Variants in FHIT observed in about 807,000 individuals in gnomAD.
FHIT encodes the protein fragile histidine triad diadenosine triphosphatase.
A neutral mutation model predicts 17.9 loss-of-function variants in FHIT; 19 were observed. That is an observed-to-expected ratio of 1.06 (90% CI 0.74 to 1.56). The LOEUF is 1.56. FHIT is among the 40% of genes most tolerant of loss of function. The pLI, the probability that FHIT is intolerant of heterozygous loss-of-function variation, is 0.00. For synonymous variants in FHIT, 81 were observed against 69.7 expected (o/e 1.16, Z -0.81); for missense variants, 248 against 189.2 (o/e 1.31, Z -1.82).
chr3:60,163,715 G>C (rs1251430906), intron 5 of FHIT, among the ~76,000 whole-genome samples: 1 of 152,080 alleles, frequency 6.6e-6, no homozygotes, highest in Admixed American at 6.5e-5. Context: ...TTTGTTGTGG[G>C]GTCTGCACCG....
chr3:60,293,961 G>A (rs1362287318), intron 5 of FHIT, among the ~76,000 whole-genome samples: 2 of 152,074 alleles, frequency 1.3e-5, no homozygotes, highest in Non-Finnish European at 1.5e-5. Context: ...TCACTAGGAG[G>A]TAAACCTACT....
chr3:60,019,781 G>A (rs749753971), intron 5 of FHIT, among the ~76,000 whole-genome samples: 1 of 152,156 alleles, frequency 6.6e-6, no homozygotes, highest in African/African-American at 2.4e-5. Context: ...AATAGGGAGA[G>A]AAAGGTTACT....
intron 5 of FHIT, among the ~76,000 whole-genome samples, chr3:60,447,794 G>A (rs542189108): frequency 1.3e-5 from 2 of 152,232 alleles, no homozygotes; most frequent in African/African-American, 4.8e-5. Flanking sequence ...AGATTTAAAT[G>A]GGGACACTAT....
chr3:60,305,074 CTTTG>C (rs774197267), intron 5 of FHIT, among the ~76,000 whole-genome samples: 16 of 152,076 alleles, frequency 1.1e-4, no homozygotes, highest in Non-Finnish European at 2.1e-4. Context: ...AAGCCATTCA[CTTTG>C]TTTGGATTGG....
At position 60,066,630 on chromosome 3, in the gene FHIT, A is replaced by ATTTTTTTTTTTTTTTTTTTTTTTTTTTT. The variant is rs71089574; in HGVS notation, c.104-52506_104-52479dup. Among the ~76,000 whole-genome samples the ATTTTTTTTTTTTTTTTTTTTTTTTTTTT allele has an allele frequency of 5.8e-5, 3 of 51,374 alleles. 1 individual carries two copies. Among genetic ancestry groups the ATTTTTTTTTTTTTTTTTTTTTTTTTTTT allele is most frequent in the Non-Finnish European group, 1.1e-4 (3 of 27,690 alleles). The allele number at this position is 51,374 out of a possible 152,430, so 33.7% of individuals were successfully genotyped here. A position where few individuals can be genotyped will look rare whatever the true frequency, so the allele number is the denominator to read the frequency against. ...ATAGGTTGATTTTAATCCCTGACAAATTTTTTTTTTTTTTTTTTTTTTTTT... is the reference window on the plus strand; with the variant it reads ...ATAGGTTGATTTTAATCCCTGACAAATTTTTTTTTTTTTTTTTTTTTTTTTTTTTTTTTTTTTTTTTTTTTTTTTTTTT... On this transcript the variant is annotated intron_variant, in intron 5 of 9. Transcript: ENST00000492590.
intron 1 of FHIT, among the ~76,000 whole-genome samples, chr3:61,207,128 T>G (rs375052294): frequency 1.3e-5 from 2 of 152,238 alleles, no homozygotes; most frequent in African/African-American, 4.8e-5. Context: ...CGTTAATTGA[T>G]TTGCATATGT....
At chr3:60,585,198 T>C (rs2037867941) in intron 4 of FHIT, among the ~76,000 whole-genome samples, 1 of 152,016 alleles carries the variant, frequency 6.6e-6, no homozygotes, top group Non-Finnish European at 1.5e-5. Flanking sequence ...CTGAGTGGCC[T>C]ATAACTAATT....
chr3:60,872,032 C>T (rs1335635996), intron 3 of FHIT, among the ~76,000 whole-genome samples: 4 of 151,970 alleles, frequency 2.6e-5, no homozygotes, highest in African/African-American at 9.7e-5. Flanking sequence ...AAAGAAACCT[C>T]TGTAATATGA....
At chr3:60,084,907 G>C (rs1472521107) in intron 5 of FHIT, among the ~76,000 whole-genome samples, 1 of 151,824 alleles carries the variant, frequency 6.6e-6, no homozygotes, top group South Asian at 2.1e-4. Context: ...TGATCTTGCT[G>C]TTACTTCAGG....
intron 7 of FHIT, among the ~76,000 whole-genome samples, chr3:59,935,720 T>G (rs1706202785): frequency 6.6e-6 from 1 of 151,242 alleles, no homozygotes; most frequent in African/African-American, 2.4e-5. Flanking sequence ...GGTGGGTGGA[T>G]GGGTGGGTAG....
At position 60,134,246 on chromosome 3, in the gene FHIT, T is replaced by C. The variant is rs1004713428; in HGVS notation, c.104-120094A>G. On this transcript the variant is annotated intron_variant, in intron 5 of 9. Coordinates refer to ENST00000492590, the MANE Select transcript of FHIT (RefSeq NM_002012.4). ...AAAATATCCATGACACTTCCAGTATTTGCAAAACAGGTTCAAAAATAAAAT... is the reference window on the plus strand; with the variant it reads ...AAAATATCCATGACACTTCCAGTATCTGCAAAACAGGTTCAAAAATAAAAT... 3.3e-5 allele frequency among the ~76,000 whole-genome samples: 5 copies of C among 152,170 alleles called. No homozygotes were observed. In the South Asian group the frequency reaches 8.3e-4, roughly 25 times the overall value.
intron 5 of FHIT, among the ~76,000 whole-genome samples, chr3:60,344,483 C>T (rs1710677265): frequency 6.6e-6 from 1 of 152,156 alleles, no homozygotes; most frequent in Non-Finnish European, 1.5e-5. Context: ...CGTGTCAGTA[C>T]TACAGAGAAC....
intron 5 of FHIT, among the ~76,000 whole-genome samples, chr3:60,132,178 C>T (rs1345206298): frequency 1.3e-5 from 2 of 152,174 alleles, no homozygotes; most frequent in Non-Finnish European, 2.9e-5. Context: ...ATTCTCTCTT[C>T]ACTCTTCATT....
chr3:60,721,299 AC>A (rs2107964121), intron 4 of FHIT, among the ~76,000 whole-genome samples: 1 of 152,256 alleles, frequency 6.6e-6, no homozygotes, highest in Non-Finnish European at 1.5e-5. Context: ...CTATGTAAAA[AC>A]ATGATTAAGA....
intron 2 of FHIT, among the ~76,000 whole-genome samples, chr3:61,149,013 A>C (rs532111121): frequency 1.3e-5 from 2 of 152,374 alleles, no homozygotes; most frequent in African/African-American, 4.8e-5. Context: ...AAACACTCTC[A>C]ATCTGTTAGT....
chr3:60,891,756 GCAATTTATTA>G lies in FHIT; in HGVS notation c.-110-69755_-110-69746del, dbSNP rs369811905. On this transcript the variant is annotated intron_variant, in intron 3 of 9. Transcript: ENST00000492590. Reference sequence around the variant, plus strand: ...AATGCCATTTATTTTCTGGGACAGTGCAATTTATTACAATTTATTACACTCCCTTTCTGAG... The same window carrying G: ...AATGCCATTTATTTTCTGGGACAGTGCAATTTATTACACTCCCTTTCTGAG... Among the ~76,000 whole-genome samples, 1,032 of 152,240 alleles carry G rather than the reference GCAATTTATTA, an allele frequency of 6.8e-3. 6 individuals carry two copies. The highest frequency in any genetic ancestry group is 0.024 in the African/African-American group (977 of 41,514).
chr3:60,295,385 T>G (rs1173244188), intron 5 of FHIT, among the ~76,000 whole-genome samples: 1 of 152,058 alleles, frequency 6.6e-6, no homozygotes, highest in Non-Finnish European at 1.5e-5. Context: ...GATGAGAACC[T>G]CAGGAAGCTC....
intron 5 of FHIT, among the ~76,000 whole-genome samples, chr3:60,333,370 G>C (rs1710080197): frequency 6.6e-6 from 1 of 152,102 alleles, no homozygotes; most frequent in Admixed American, 6.5e-5. Context: ...GCTTCTAATG[G>C]AGCCCAAGAA....
chr3:60,532,376 C>T (rs1176137360), intron 5 of FHIT, among the ~76,000 whole-genome samples: 1 of 152,136 alleles, frequency 6.6e-6, no homozygotes, highest in East Asian at 1.9e-4. Flanking sequence ...TTTTCATGCT[C>T]AACTCAAGAA....
Sources: gnomAD v4.1 joint callset for allele counts (sites outside exome capture counted in the v4.1 genomes callset) on GRCh38, gnomAD v4.1.1 for gene constraint, MANE v1.5 for transcripts, NCBI Gene and HGNC (gene_info 2026-07-23, HGNC 2026-07-21) for gene names.